DMRT1: variants seen among roughly 807,000 people sequenced by gnomAD.
The protein encoded by DMRT1 is doublesex and mab-3 related transcription factor 1, also known as doublesex- and mab-3-related transcription factor 1.
In DMRT1, 7 loss-of-function variants were observed where a neutral mutation model predicts 32.3. The observed-to-expected ratio is 0.22, with a 90% CI of 0.12 to 0.41. DMRT1 has a LOEUF of 0.41. Among genes scored for constraint, DMRT1 ranks in the 10% least tolerant of loss-of-function variants. DMRT1 has a pLI of 1.00. For missense variants in DMRT1, 625 were observed against 500.5 expected, an observed-to-expected ratio of 1.25 and a Z score of -2.37; for synonymous variants, 278 against 206.1, an observed-to-expected ratio of 1.35 and a Z score of -2.99.
At chr9:901,668 G>GT (rs1405175922) in intron 3 of DMRT1, among the ~76,000 whole-genome samples, 1,595 of 146,716 alleles carry the variant, frequency 0.011, 21 homozygotes, top group African/African-American at 0.033. Context: ...CTTCACATGA[G>GT]TTTTTTTTTT....
intron 4 of DMRT1, among the ~76,000 whole-genome samples, chr9:931,136 T>A (rs145143998): frequency 6.6e-5 from 10 of 152,370 alleles, no homozygotes; most frequent in African/African-American, 2.2e-4. Context: ...TGTGTCCGAC[T>A]TCTTTCATTT....
At chr9:852,129 G>C (rs1351648933) in intron 2 of DMRT1, among the ~76,000 whole-genome samples, 1 of 151,748 alleles carries the variant, frequency 6.6e-6, no homozygotes, top group Admixed American at 6.6e-5. Flanking sequence ...TAGAGATGGG[G>C]TTTCACCATG....
At chr9:966,142 C>T (rs1819924013) in intron 4 of DMRT1, among the ~76,000 whole-genome samples, 2 of 152,094 alleles carry the variant, frequency 1.3e-5, no homozygotes, top group African/African-American at 2.4e-5. Flanking sequence ...TATATGACAA[C>T]CAGGTGCATG....
intron 2 of DMRT1, among the ~76,000 whole-genome samples, chr9:892,451 C>T (rs544413320): frequency 2.0e-5 from 3 of 152,212 alleles, no homozygotes; most frequent in Admixed American, 6.5e-5. Flanking sequence ...CACACCCAGG[C>T]TCCTGCTCTC....
At chr9:863,041 G>A (rs556717212) in intron 2 of DMRT1, among the ~76,000 whole-genome samples, 1 of 151,320 alleles carries the variant, frequency 6.6e-6, no homozygotes, top group African/African-American at 2.4e-5. Flanking sequence ...CTCCCTGGGT[G>A]TGGTAGCTCA....
chr9:951,246 T>C (rs918409627), intron 4 of DMRT1, among the ~76,000 whole-genome samples: 1 of 152,192 alleles, frequency 6.6e-6, no homozygotes, highest in Non-Finnish European at 1.5e-5. Context: ...TGTTTGGCTG[T>C]AAGGACTACA....
In DMRT1 at chr9:894,791, G is replaced by GTTTTT. The variant is rs1231759673; in HGVS notation, c.822+603_822+607dup. On this transcript the variant is annotated intron_variant, in intron 3 of 4. Transcript: ENST00000382276. ...GGTCAGTCTTTCATTCTCCAAGTTT[G>GTTTTT]TTTTTTTTTTTGTTTGTTTGTTTGT... 1.3e-4 allele frequency: 20 copies of GTTTTT among 148,390 alleles called. 1 individual carries two copies. The highest frequency in any genetic ancestry group is 8.1e-4 in the East Asian group (4 of 4,942). The allele number at this position is 148,390 out of a possible 1,614,324, so 9.2% of individuals were successfully genotyped here.
chr9:869,120 C>T (rs1054115097), intron 2 of DMRT1, among the ~76,000 whole-genome samples: 1 of 152,192 alleles, frequency 6.6e-6, no homozygotes, highest in Non-Finnish European at 1.5e-5. Context: ...ATGGTTGAGG[C>T]TTCTGAGGAA....
chr9:943,976 G>C (rs1819160260), intron 4 of DMRT1, among the ~76,000 whole-genome samples: 1 of 152,120 alleles, frequency 6.6e-6, no homozygotes, highest in Non-Finnish European at 1.5e-5. Context: ...ATTGCATAAT[G>C]GTTGAGAGTA....
intron 2 of DMRT1, among the ~76,000 whole-genome samples, chr9:883,169 G>A (rs753040134): frequency 1.3e-5 from 2 of 151,218 alleles, no homozygotes; most frequent in Non-Finnish European, 2.9e-5. Flanking sequence ...AACCAAGCCC[G>A]CTCCTATCTT....
At chr9:899,630 G>C (rs765451393) in intron 3 of DMRT1, among the ~76,000 whole-genome samples, 3 of 152,196 alleles carry the variant, frequency 2.0e-5, no homozygotes, top group Non-Finnish European at 4.4e-5. Flanking sequence ...ATGAATGGCT[G>C]GTTCCGCTGA....
chr9:941,336 C>CACA (rs554509544), intron 4 of DMRT1, among the ~76,000 whole-genome samples: 5,290 of 118,206 alleles, frequency 0.045, 157 homozygotes, highest in South Asian at 0.15. Context: ...CCCTCCCCCC[C>CACA]CCCACACATA....
At position 849,696 on chromosome 9, in the gene DMRT1, C is replaced by G. The variant is rs914776753; in HGVS notation, c.538+2553C>G. 2.1e-4 allele frequency among the ~76,000 whole-genome samples: 32 copies of G among 152,190 alleles called. 1 individual carries two copies. The highest frequency in any genetic ancestry group is 6.5e-4 in the African/African-American group (27 of 41,454). ...ACAGACCTTGGAGTCATTCTACAGC[C>G]TTGAACTAGCACTCACAGGGAAGGG... On this transcript the variant is annotated intron_variant, in intron 2 of 4. Transcript: ENST00000382276.
rs1198265478 is a variant in DMRT1, at chr9:871,520, TTTG to T, written c.539-22391_539-22389del. On this transcript the variant is annotated intron_variant, in intron 2 of 4. Transcript: ENST00000382276. Reference sequence around the variant, plus strand: ...GCTAATTTTTTTTTTTTTTTTTTTTTTTGGTAGAGACGGGGTTTCACCGTGTTA... The same window carrying T: ...GCTAATTTTTTTTTTTTTTTTTTTTTGTAGAGACGGGGTTTCACCGTGTTA... 4.5e-3 allele frequency among the ~76,000 whole-genome samples: 500 copies of T among 111,476 alleles called. 4 individuals carry two copies. Among genetic ancestry groups the T allele is most frequent in the African/African-American group, 0.017 (458 of 27,372 alleles). The allele number at this position is 111,476 out of a possible 152,430, so 73.1% of individuals were successfully genotyped here.
At chr9:955,057 A>G (rs959473824) in intron 4 of DMRT1, among the ~76,000 whole-genome samples, 1 of 152,182 alleles carries the variant, frequency 6.6e-6, no homozygotes, top group African/African-American at 2.4e-5. Flanking sequence ...ACAAAAGAGA[A>G]CCCAGTTCAG....
intron 3 of DMRT1, among the ~76,000 whole-genome samples, chr9:907,829 ATGTGTGTGTG>A (rs3084903): frequency 1.2e-4 from 18 of 149,534 alleles, no homozygotes; most frequent in South Asian, 2.1e-4. Context: ...TAAAATATAT[ATGTGTGTGTG>A]TGTGTGTGTG....
Position 904,910 on chromosome 9 carries a change from C to G in DMRT1, c.822+10715C>G, listed in dbSNP as rs184963694. On this transcript the variant is annotated intron_variant, in intron 3 of 4. Transcript: ENST00000382276. ...TGAGCCGAGATTGCGCCACTGTACT[C>G]CAGCCTGGGCAACAAGAACGAAACT... 2.6e-3 allele frequency among the ~76,000 whole-genome samples: 391 copies of G among 150,554 alleles called. 1 individual carries two copies. The highest frequency in any genetic ancestry group is 3.6e-3 in the Non-Finnish European group (242 of 67,824).
intron 2 of DMRT1, among the ~76,000 whole-genome samples, chr9:848,588 C>G (rs1839006419): frequency 1.6e-5 from 2 of 128,704 alleles, no homozygotes; most frequent in Non-Finnish European, 3.1e-5. Flanking sequence ...GAGTCTCACT[C>G]TGTTGCCCAG....
Position 887,035 on chromosome 9 carries a change from T to C in DMRT1, c.539-6877T>C, listed in dbSNP as rs192475662. On this transcript the variant is annotated intron_variant, in intron 2 of 4. Transcript: ENST00000382276. ...CTCTGGATGACAGATATTAACAATG[T>C]AATTTATTAGCTGGGCGTGGTGGCG... Among the ~76,000 whole-genome samples the C allele has an allele frequency of 2.4e-3, 361 of 152,306 alleles. 2 individuals carry two copies. The highest frequency in any genetic ancestry group is 7.6e-3 in the African/African-American group (314 of 41,568).
Sources: allele counts gnomAD v4.1 joint callset (sites outside exome capture counted in the v4.1 genomes callset), GRCh38; gene constraint gnomAD v4.1.1; transcripts MANE v1.5; gene names NCBI Gene and HGNC (gene_info 2026-07-23, HGNC 2026-07-21).